Variants in MTF2 observed in about 807,000 individuals in gnomAD.
MTF2 encodes the protein metal-response element-binding transcription factor 2.
Under a neutral mutation model 79.5 loss-of-function variants are expected in MTF2, and 11 were observed. The ratio of observed to expected loss-of-function variants is 0.14; its 90% CI spans 0.09 to 0.23. The LOEUF is 0.23. MTF2 is among the 10% of genes least tolerant of loss of function. The pLI, the probability that MTF2 is intolerant of heterozygous loss-of-function variation, is 1.00. For missense variants in MTF2, 486 were observed against 711.2 expected, an observed-to-expected ratio of 0.68 and a Z score of 3.60; for synonymous variants, 208 against 232.8, an observed-to-expected ratio of 0.89 and a Z score of 0.97.
chr1:93,120,682 C>A lies in MTF2; in HGVS notation c.921+10C>A. 1 of 1,602,022 alleles carries A rather than the reference C, an allele frequency of 6.2e-7. No individual in the cohort carries two copies. Among genetic ancestry groups the A allele is most frequent in the South Asian group, 1.1e-5 (1 of 87,910 alleles). ...ATTGCACCCTGGAGAGGTAGGTGGT[C>A]TGAGAACTAACTTCAGTAGCTACTT... On this transcript the variant is annotated intron_variant, in intron 9 of 14. Coordinates refer to ENST00000370298, the MANE Select transcript of MTF2 (RefSeq NM_007358.4).
chr1:93,125,364 T>C (rs1656654325), intron 9 of MTF2, among the ~76,000 whole-genome samples: 1 of 151,280 alleles, frequency 6.6e-6, no homozygotes, highest in Admixed American at 6.6e-5. Flanking sequence ...ATAGACATAG[T>C]ATAACTTGAT....
At chr1:93,094,641 C>G (rs1655207283) in intron 1 of MTF2, among the ~76,000 whole-genome samples, 1 of 151,784 alleles carries the variant, frequency 6.6e-6, no homozygotes, top group African/African-American at 2.4e-5. Flanking sequence ...TCTGCATTTA[C>G]TAGATCTAGA....
intron 9 of MTF2, chr1:93,121,236 T>A: frequency 1.0e-6 from 1 of 954,836 alleles, no homozygotes; most frequent in Non-Finnish European, 1.2e-6. Flanking sequence ...TTTACAGTCT[T>A]TTTTTAAATG....
intron 9 of MTF2, among the ~76,000 whole-genome samples, chr1:93,122,296 C>T (rs1029260057): frequency 3.3e-5 from 5 of 152,052 alleles, no homozygotes; most frequent in African/African-American, 1.2e-4. Flanking sequence ...ACATTGTCTG[C>T]ATTACATGAT....
intron 9 of MTF2, chr1:93,121,259 ATG>A (rs1411761715): frequency 1.1e-6 from 1 of 935,966 alleles, no homozygotes; most frequent in Non-Finnish European, 1.3e-6. Flanking sequence ...TTTAAAAGTA[ATG>A]TGTGTTCATT....
intron 10 of MTF2, 114 bp downstream of exon 10, chr1:93,127,413 T>G (rs1656743549): frequency 1.5e-6 from 1 of 648,690 alleles, no homozygotes; most frequent in African/African-American, 1.8e-5. Flanking sequence ...TATACCATTT[T>G]AAACTTTATA....
At chr1:93,102,867 C>T (rs959275494) in intron 1 of MTF2, among the ~76,000 whole-genome samples, 1 of 151,988 alleles carries the variant, frequency 6.6e-6, no homozygotes, top group Non-Finnish European at 1.5e-5. Context: ...CACGGTGGCT[C>T]ACGCCTGTAA....
intron 9 of MTF2, among the ~76,000 whole-genome samples, chr1:93,122,758 C>G (rs1243540473): frequency 6.6e-6 from 1 of 152,030 alleles, no homozygotes; most frequent in Non-Finnish European, 1.5e-5. Flanking sequence ...CATTCACAGA[C>G]TTTGGTAACT....
At chr1:93,112,706 A>G (rs1042477193) in intron 3 of MTF2, among the ~76,000 whole-genome samples, 2 of 152,222 alleles carry the variant, frequency 1.3e-5, no homozygotes, top group African/African-American at 2.4e-5. Context: ...CTAAGATGAA[A>G]TGGCCAAGGC....
chr1:93,079,626 A>T, intron 1 of MTF2, 95 bp downstream of exon 1: 16 of 1,428,542 alleles, frequency 1.1e-5, no homozygotes, highest in Non-Finnish European at 1.4e-5. Flanking sequence ...GGAAAGATGG[A>T]GGACCAAGGT....
intron 6 of MTF2, among the ~76,000 whole-genome samples, chr1:93,117,641 A>G: frequency 6.6e-6 from 1 of 152,210 alleles, no homozygotes; most frequent in East Asian, 1.9e-4. Context: ...AATGTTTATA[A>G]TCTGAAAGCT....
At chr1:93,113,559 G>C (rs886289500) in intron 3 of MTF2, among the ~76,000 whole-genome samples, 8 of 152,170 alleles carry the variant, frequency 5.3e-5, no homozygotes, top group Non-Finnish European at 1.0e-4. Flanking sequence ...ATTTCCACTA[G>C]ATGTAATACT....
intron 9 of MTF2, chr1:93,121,234 C>T (rs1040503768): frequency 1.5e-5 from 14 of 956,504 alleles, no homozygotes; most frequent in Non-Finnish European, 1.7e-5. Flanking sequence ...GGTTTACAGT[C>T]TTTTTTTAAA....
chr1:93,129,082 CCCTT>C (rs1453491996), intron 10 of MTF2, 192 bp from the exon 11 acceptor site: 4 of 392,538 alleles, frequency 1.0e-5, no homozygotes, highest in Non-Finnish European at 1.8e-5. Context: ...CTGGTCCTAT[CCCTT>C]CCTCCCCATC....
chr1:93,111,113 G>T (rs1004978777), intron 3 of MTF2, among the ~76,000 whole-genome samples: 1 of 152,152 alleles, frequency 6.6e-6, no homozygotes, highest in South Asian at 2.1e-4. Context: ...ATATTTGTGT[G>T]CCAATAAAAA....
intron 1 of MTF2, among the ~76,000 whole-genome samples, chr1:93,104,579 T>G (rs1289803381): frequency 6.7e-6 from 1 of 149,662 alleles, no homozygotes; most frequent in Non-Finnish European, 1.5e-5. Flanking sequence ...TCCGGGAGGC[T>G]GAGGCACAAG....
At chr1:93,097,000 CG>C (rs1053962827) in intron 1 of MTF2, among the ~76,000 whole-genome samples, 2 of 151,416 alleles carry the variant, frequency 1.3e-5, no homozygotes, top group Non-Finnish European at 2.9e-5. Context: ...TGTAGAGATG[CG>C]GTTTTACCAT....
At chr1:93,084,425 A>G (rs1654748556) in intron 1 of MTF2, among the ~76,000 whole-genome samples, 2 of 152,144 alleles carry the variant, frequency 1.3e-5, no homozygotes, top group Admixed American at 1.3e-4. Context: ...GGACGTTGTG[A>G]GTCCTCAAGT....
At chr1:93,089,005 A>G (rs1654966041) in intron 1 of MTF2, among the ~76,000 whole-genome samples, 1 of 152,212 alleles carries the variant, frequency 6.6e-6, no homozygotes, top group Admixed American at 6.5e-5. Context: ...CTGACTTTTT[A>G]TCGTACATTT....
Sources: allele counts gnomAD v4.1 joint callset (sites outside exome capture counted in the v4.1 genomes callset), GRCh38; gene constraint gnomAD v4.1.1; transcripts MANE v1.5; gene names NCBI Gene and HGNC (gene_info 2026-07-23, HGNC 2026-07-21).